Variants in DNAAF2 observed in about 807,000 individuals in gnomAD.
The protein encoded by DNAAF2 is dynein axonemal assembly factor 2.
A neutral mutation model predicts 48.8 loss-of-function variants in DNAAF2; 58 were observed. That is an observed-to-expected ratio of 1.19 (90% CI 0.96 to 1.48). The LOEUF (loss-of-function observed/expected upper bound fraction) is 1.48. Among genes scored for constraint, DNAAF2 ranks in the 40% most tolerant of loss-of-function variants. DNAAF2 has a pLI of 0.00. For missense variants in DNAAF2, 1,241 were observed against 1,116.1 expected (o/e 1.11, Z -1.59); for synonymous variants, 567 against 481.2 (o/e 1.18, Z -2.33).
In DNAAF2 at chr14:49,633,419, C is replaced by A. The variant is rs768082306; in HGVS notation, c.1731G>T (p.Glu577Asp). The A allele has an allele frequency of 1.9e-6, 3 of 1,614,058 alleles. No homozygotes were observed. The South Asian group carries it at 3.3e-5, about 18-fold the overall frequency. ...VYSFFLQFAP[E>D]NKLSTTEPVI... ...CAGGTTCTGTGGTACTCAATTTATTCTCTGGAGCAAATTGCAAAAAGAAGG... is the reference window on the plus strand; with the variant it reads ...CAGGTTCTGTGGTACTCAATTTATTATCTGGAGCAAATTGCAAAAAGAAGG... Residue 577 changes from glutamate to aspartate, a missense_variant, in exon 1 of 3, where the codon GAG becomes GAT. Glu to Asp is a conservative substitution (Grantham distance 45). Coordinates refer to ENST00000298292, the MANE Select transcript of DNAAF2 (RefSeq NM_018139.3).
At position 49,633,653 on chromosome 14, in the gene DNAAF2, C is replaced by T. The variant is rs1271022862; in HGVS notation, c.1497G>A (p.Glu499=). The T allele has an allele frequency of 5.0e-6, 8 of 1,612,422 alleles. No homozygotes were observed. The highest frequency in any genetic ancestry group is 1.3e-5 in the African/African-American group (1 of 74,896). ...DSSVETREES[E]GTGGQRSACA... ...AGGCTGAGCGCTGGCCGCCCGTGCC[C>T]TCCGACTCCTCGCGTGTTTCCACAC... Residue 499 remains glutamate, a synonymous_variant, in exon 1 of 3, where the codon GAG becomes GAA. Coordinates refer to ENST00000298292, the MANE Select transcript of DNAAF2 (RefSeq NM_018139.3).
intron 2 of DNAAF2, among the ~76,000 whole-genome samples, chr14:49,626,525 T>G (rs1300437348): frequency 1.3e-5 from 2 of 152,120 alleles, no homozygotes; most frequent in Non-Finnish European, 2.9e-5. Context: ...AAGGATGACT[T>G]TTTTTGTTTT....
rs750570370 is a variant in DNAAF2 at position 49,625,724 on chromosome 14, CTTCAG to C, written c.2327_2331del (p.Thr776ArgfsTer36). The C allele has an allele frequency of 1.2e-6, 2 of 1,613,632 alleles. No individual in the cohort carries two copies. The highest frequency in any genetic ancestry group is 3.3e-5 in the Admixed American group (2 of 59,992). On this transcript the variant is annotated frameshift_variant, in exon 3 of 3. Coordinates refer to ENST00000298292, the MANE Select transcript of DNAAF2 (RefSeq NM_018139.3). LOFTEE classifies it high-confidence loss of function. ...AGGTGATCTCCATCTGTTTCTTTCT[CTTCAG>C]TTATTACTGACTCGTTTAAGTTATC...
chr14:49,630,686 CACACACACACACACATAAACTCTCT>C (rs1458510974), intron 1 of DNAAF2, among the ~76,000 whole-genome samples: 20 of 147,408 alleles, frequency 1.4e-4, no homozygotes, highest in African/African-American at 5.1e-4. Flanking sequence ...CACACACACA[CACACACACACACACATAAACTCTCT>C]ACACACACAC....
At chr14:49,627,926 A>C (rs1335402216) in intron 2 of DNAAF2, 86 bp downstream of exon 2, 1 of 1,334,416 alleles carries the variant, frequency 7.5e-7, no homozygotes, top group Non-Finnish European at 1.0e-6. Flanking sequence ...ATTTTGTTTA[A>C]AGTTATGATA....
At position 49,626,038 on chromosome 14, in the gene DNAAF2, C is replaced by T; in HGVS notation, c.2018G>A (p.Cys673Tyr). 6.8e-7 allele frequency: 1 copy of T among 1,481,268 alleles called. No homozygotes were observed. Among genetic ancestry groups the T allele is most frequent in the Non-Finnish European group, 8.9e-7 (1 of 1,118,594 alleles). The allele number at this position is 1,481,268 out of a possible 1,614,324, so 91.8% of individuals were successfully genotyped here. A position where few individuals can be genotyped will look rare whatever the true frequency, so the allele number is the denominator to read the frequency against. Residue 673 changes from cysteine (C) to tyrosine (Y), a missense_variant, in exon 3 of 3, where the codon TGT (cysteine) becomes TAT (tyrosine). By Grantham distance (194) the Cys-to-Tyr change is radical. Coordinates refer to ENST00000298292, the MANE Select transcript of DNAAF2 (RefSeq NM_018139.3). ...TCCTTGTAGCTGATCAGAGTTACTA[C>T]ATTCTTGCAACTGTGTCAAGAGAAA... ...KIQINAKLQE[C>Y]SNSDQLQGKE...
chr14:49,625,849 GA>G lies in DNAAF2; in HGVS notation c.2206del (p.Ser736LeufsTer3). 1 of 1,609,746 alleles carries G rather than the reference GA, an allele frequency of 6.2e-7. No homozygotes were observed. Among genetic ancestry groups the G allele is most frequent in the Non-Finnish European group, 8.5e-7 (1 of 1,178,868 alleles). On this transcript the variant is annotated frameshift_variant, in exon 3 of 3. Transcript: ENST00000298292. LOFTEE classifies it high-confidence loss of function. ...TCFQQESLDV[S>X]QMILGKSQQP... ...CTGAGATTTTCCAAGTATCATTTGAGAAACATCAAGAGACTCTTGTTGAAAG... is the reference window on the plus strand; with the variant it reads ...CTGAGATTTTCCAAGTATCATTTGAGAACATCAAGAGACTCTTGTTGAAAG...
rs755411847 is a variant in DNAAF2 at position 49,634,575 on chromosome 14, T to A, written c.575A>T (p.Tyr192Phe). Residue 192 changes from tyrosine to phenylalanine, a missense_variant, in exon 1 of 3, where the codon TAT (tyrosine) becomes TTT (phenylalanine). Transcript: ENST00000298292. Reference protein sequence around the residue: ...RRNAKTLKAKYKGTPEAAVLR... With the variant: ...RRNAKTLKAKFKGTPEAAVLR... ...CACCGCAGCCTCTGGGGTCCCCTTA[T>A]ACTTGGCCTTCAGGGTCTTGGCATT... The A allele has an allele frequency of 6.2e-7, 1 of 1,605,392 alleles. No homozygotes were observed. The highest frequency in any genetic ancestry group is 1.1e-5 in the South Asian group (1 of 91,088).
At chr14:49,628,541 G>A (rs374004587) in intron 1 of DNAAF2, among the ~76,000 whole-genome samples, 7 of 151,872 alleles carry the variant, frequency 4.6e-5, no homozygotes, top group South Asian at 4.2e-4. Flanking sequence ...TGCAACCTCC[G>A]CCTCCCAGGT....
intron 1 of DNAAF2, among the ~76,000 whole-genome samples, chr14:49,628,578 C>A (rs1883071841): frequency 6.6e-6 from 1 of 152,060 alleles, no homozygotes; most frequent in Admixed American, 6.5e-5. Context: ...CCCCAGACTA[C>A]CGAGTAGCTG....
At chr14:49,630,669 C>CCACACACACACACACACACA (rs71441237) in intron 1 of DNAAF2, among the ~76,000 whole-genome samples, 8,412 of 132,142 alleles carry the variant, frequency 0.064, 368 homozygotes, top group Admixed American at 0.097. Flanking sequence ...AACTCTCTCT[C>CCACACACACACACACACACA]CACACACACA....
At position 49,633,989 on chromosome 14, in the gene DNAAF2, C is replaced by A. The variant is rs1251539973; in HGVS notation, c.1161G>T (p.Glu387Asp). The A allele has an allele frequency of 6.6e-7, 1 of 1,524,520 alleles. No homozygotes were observed. The allele number at this position is 1,524,520 out of a possible 1,614,324, so 94.4% of individuals were successfully genotyped here. The change falls in exon 1 of 3, where the codon GAG becomes GAT. Residue 387 changes from glutamate (E) to aspartate (D), a missense_variant. Glu to Asp is a conservative substitution (Grantham distance 45). Coordinates refer to ENST00000298292, the MANE Select transcript of DNAAF2 (RefSeq NM_018139.3). ...GQACASAREG[E>D]AGPARSRAED... ...CCGCGCGACTCCTCGCGGGTCCCGC[C>A]TCCCCCTCGCGAGCGGAAGCGCAGG...
At chr14:49,628,415 T>C (rs2139574543) in intron 1 of DNAAF2, among the ~76,000 whole-genome samples, 1 of 152,320 alleles carries the variant, frequency 6.6e-6, no homozygotes, top group South Asian at 2.1e-4. Context: ...TTCTGTCTAT[T>C]AAACCTGACC....
rs1250272178 is a variant in DNAAF2 at position 49,634,605 on chromosome 14, C to T, written c.545G>A (p.Arg182His). The T allele has an allele frequency of 1.9e-6, 3 of 1,606,582 alleles. No homozygotes were observed. Among genetic ancestry groups the T allele is most frequent in the South Asian group, 1.1e-5 (1 of 91,088 alleles). The change falls in exon 1 of 3, where the codon CGC (arginine) becomes CAC (histidine). Residue 182 changes from arginine (R) to histidine (H), a missense_variant. Transcript: ENST00000298292. ...GGCCTTCAGGGTCTTGGCATTCCTG[C>T]GGTCCAGCTTCACGCCGAACTGCTT... ...VEKQFGVKLD[R>H]RNAKTLKAKY...
At chr14:49,633,216 G>T (rs1401098265) in intron 1 of DNAAF2, 71 bp downstream of exon 1, 4 of 1,562,328 alleles carry the variant, frequency 2.6e-6, no homozygotes, top group Admixed American at 3.6e-5. Flanking sequence ...CACCGCGCCC[G>T]GCCGGTAATA....
chr14:49,631,031 G>A (rs1363230893), intron 1 of DNAAF2, among the ~76,000 whole-genome samples: 1 of 152,124 alleles, frequency 6.6e-6, no homozygotes, highest in Non-Finnish European at 1.5e-5. Context: ...CTACAGGTGT[G>A]AGCCACCACG....
chr14:49,635,150 A>G lies in DNAAF2; in HGVS notation c.-1T>C, dbSNP rs563270450. 18 of 1,556,818 alleles carry G rather than the reference A, an allele frequency of 1.2e-5. No individual in the cohort carries two copies. In the East Asian group the frequency reaches 4.1e-4, roughly 35 times the overall value. ...ACGAGGAGGCCGCCGCTTTGGCCAT[A>G]CTGTCCTGTGGCTCCTCGCCCTCGG... On this transcript the variant is annotated 5_prime_UTR_variant, in exon 1 of 3. Coordinates refer to ENST00000298292, the MANE Select transcript of DNAAF2 (RefSeq NM_018139.3).
chr14:49,626,726 AC>A (rs1883017284), intron 2 of DNAAF2, among the ~76,000 whole-genome samples: 1 of 145,644 alleles, frequency 6.9e-6, no homozygotes, highest in Non-Finnish European at 1.5e-5. Flanking sequence ...CTGGTGTCGA[AC>A]TCCTGACCTC....
chr14:49,633,416 A>G lies in DNAAF2; in HGVS notation c.1734T>C (p.Asn578=). 2 of 1,614,074 alleles carry G rather than the reference A, an allele frequency of 1.2e-6. No homozygotes were observed. Among genetic ancestry groups the G allele is most frequent in the Non-Finnish European group, 1.7e-6 (2 of 1,179,906 alleles). The part of the protein sequence containing the change: ...YSFFLQFAPE[N]KLSTTEPVIS... Reference sequence around the variant, plus strand: ...TCACAGGTTCTGTGGTACTCAATTTATTCTCTGGAGCAAATTGCAAAAAGA... The same window carrying G: ...TCACAGGTTCTGTGGTACTCAATTTGTTCTCTGGAGCAAATTGCAAAAAGA... Residue 578 remains asparagine, a synonymous_variant, in exon 1 of 3, where the codon AAT becomes AAC. Transcript: ENST00000298292.
Sources: gnomAD v4.1 joint callset for allele counts (sites outside exome capture counted in the v4.1 genomes callset) on GRCh38, gnomAD v4.1.1 for gene constraint, MANE v1.5 for transcripts, NCBI Gene and HGNC (gene_info 2026-07-23, HGNC 2026-07-21) for gene names.